Variants in EVL observed in about 807,000 individuals in gnomAD.
EVL encodes Enah/Vasp-like, also known as ena/VASP-like protein.
A neutral mutation model predicts 59.6 loss-of-function variants in EVL; 21 were observed. The observed-to-expected ratio is 0.35, with a 90% CI of 0.25 to 0.51. The LOEUF (loss-of-function observed/expected upper bound fraction) is 0.51, where lower values mean the gene tolerates loss of function less well. Among genes scored for constraint, EVL ranks in the 20% least tolerant of loss-of-function variants. EVL has a pLI of 0.97. For missense variants in EVL, 462 were observed against 546.6 expected, an observed-to-expected ratio of 0.85 and a Z score of 1.54; for synonymous variants, 198 against 203.5, an observed-to-expected ratio of 0.97 and a Z score of 0.23.
chr14:100,129,751 T>A, intron 7 of EVL, 67 bp downstream of exon 7: 2 of 1,456,962 alleles, frequency 1.4e-6, no homozygotes, highest in South Asian at 1.4e-5. Context: ...CCCCCAGCGC[T>A]GCACAGAGAA....
At chr14:100,134,240 G>A (rs549100436) in intron 8 of EVL, among the ~76,000 whole-genome samples, 2 of 152,156 alleles carry the variant, frequency 1.3e-5, no homozygotes, top group Non-Finnish European at 2.9e-5. Context: ...CTGTGGCCTC[G>A]CTCCAGCCAC....
intron 1 of EVL, chr14:99,977,558 G>A (rs1035659580): frequency 2.0e-5 from 3 of 152,014 alleles, no homozygotes; most frequent in Non-Finnish European, 4.4e-5. Flanking sequence ...GCCACTATGT[G>A]CGGCTAATAC....
At chr14:100,016,099 A>T (rs1271247674) in intron 1 of EVL, among the ~76,000 whole-genome samples, 1 of 150,892 alleles carries the variant, frequency 6.6e-6, no homozygotes, top group Admixed American at 6.6e-5. Context: ...AAAAAAAATT[A>T]ATTATTTATT....
chr14:100,105,517 G>A lies in EVL; in HGVS notation c.358+7859G>A, dbSNP rs143605481. 3.9e-4 allele frequency among the ~76,000 whole-genome samples: 59 copies of A among 151,762 alleles called. 1 individual carries two copies. The East Asian group carries it at 8.8e-3, about 23-fold the overall frequency. The stretch of plus-strand genomic sequence containing the variant: ...TCCACAGTCTTTTGCCAGGCAAGGC[G>A]CCCTTCAGGGTGCCGGGTAAGCTGT... On this transcript the variant is annotated intron_variant, in intron 3 of 13. Coordinates refer to ENST00000392920, the MANE Select transcript of EVL (RefSeq NM_016337.3).
At chr14:100,135,046 C>T (rs922379393) in intron 8 of EVL, 1 of 152,238 alleles carries the variant, frequency 6.6e-6, no homozygotes, top group Middle Eastern at 3.2e-3. Context: ...CATCGTGGCC[C>T]CCACATGTGT....
At chr14:100,037,026 A>G (rs2061399450) in intron 1 of EVL, among the ~76,000 whole-genome samples, 1 of 152,204 alleles carries the variant, frequency 6.6e-6, no homozygotes, top group East Asian at 1.9e-4. Context: ...AGCCAAGGAG[A>G]GAGGCCTCCA....
chr14:100,061,882 G>C (rs1471991185), upstream of EVL, among the ~76,000 whole-genome samples: 2 of 151,722 alleles, frequency 1.3e-5, no homozygotes, highest in African/African-American at 4.8e-5. Flanking sequence ...CTTCATCCTT[G>C]TCATCTTCAC....
intron 1 of EVL, among the ~76,000 whole-genome samples, chr14:100,018,232 AGAGGGAGCAGT>A (rs988604089): frequency 1.3e-4 from 20 of 152,330 alleles, no homozygotes; most frequent in South Asian, 6.2e-4. Flanking sequence ...AGCCCCTCGG[AGAGGGAGCAGT>A]GAGGGAGCAG....
intron 1 of EVL, among the ~76,000 whole-genome samples, chr14:100,046,215 G>A (rs1012871088): frequency 2.6e-5 from 4 of 152,114 alleles, no homozygotes; most frequent in African/African-American, 9.7e-5. Context: ...GTGTCATGTC[G>A]GCATTCAGAA....
At chr14:100,006,017 C>CA (rs1566967168) in intron 1 of EVL, among the ~76,000 whole-genome samples, 1 of 149,534 alleles carries the variant, frequency 6.7e-6, no homozygotes, top group Non-Finnish European at 1.5e-5. Flanking sequence ...TTTCCCCCCC[C>CA]CCCCCCACAC....
chr14:100,038,429 C>T (rs182311415), intron 1 of EVL, among the ~76,000 whole-genome samples: 5 of 152,210 alleles, frequency 3.3e-5, no homozygotes, highest in East Asian at 1.9e-4. Context: ...ACTCAGATGG[C>T]GGACAAGGTT....
intron 8 of EVL, among the ~76,000 whole-genome samples, chr14:100,133,592 C>G (rs528765881): frequency 3.3e-5 from 5 of 152,302 alleles, no homozygotes; most frequent in Admixed American, 3.3e-4. Flanking sequence ...CTTTGCCCCA[C>G]CAGCCAACTC....
intron 1 of EVL, among the ~76,000 whole-genome samples, chr14:100,044,979 A>C (rs2061526211): frequency 1.3e-5 from 2 of 152,126 alleles, no homozygotes; most frequent in African/African-American, 4.8e-5. Flanking sequence ...AAAGAAATAA[A>C]TACTGGAGCA....
chr14:99,972,347 C>T lies in EVL; in HGVS notation c.5+290C>T, dbSNP rs919191703. Among the ~76,000 whole-genome samples the T allele has an allele frequency of 6.6e-6, 1 of 152,056 alleles. No homozygotes were observed. The highest frequency in any genetic ancestry group is 2.4e-5 in the African/African-American group (1 of 41,418). On this transcript the variant is annotated intron_variant, in intron 1 of 13. Transcript: ENST00000402714. This position sits in a 1 kb window ranked among gnomAD's most constrained non-coding sequence, Gnocchi z 4.4. ...TGGCTGCTTGTGGGGTCCTCTTAGG[C>T]TCCGGGGGGCCTGCGGCGGCCTGGG...
intron 1 of EVL, among the ~76,000 whole-genome samples, chr14:100,065,772 T>TA (rs1404386441): frequency 2.0e-5 from 3 of 152,156 alleles, no homozygotes; most frequent in East Asian, 1.9e-4. Context: ...GTCAAGGACT[T>TA]ACTTAGAAAT....
chr14:100,007,671 A>T (rs1057110873), intron 1 of EVL, among the ~76,000 whole-genome samples: 3 of 152,206 alleles, frequency 2.0e-5, no homozygotes, highest in Admixed American at 6.5e-5. Flanking sequence ...GGCTTGCCTT[A>T]CCTATTGGAG....
intron 3 of EVL, among the ~76,000 whole-genome samples, chr14:100,104,564 G>A (rs1225734974): frequency 6.6e-6 from 1 of 151,932 alleles, no homozygotes; most frequent in African/African-American, 2.4e-5. Context: ...CAGGGCAAAA[G>A]ATGTTTTTCT....
chr14:100,087,504 A>T (rs1414737207), intron 2 of EVL, among the ~76,000 whole-genome samples: 1 of 152,098 alleles, frequency 6.6e-6, no homozygotes, highest in East Asian at 1.9e-4. Flanking sequence ...AGTCCCAGCT[A>T]CTCAGGAGGC....
intron 1 of EVL, among the ~76,000 whole-genome samples, chr14:99,978,880 G>A (rs984729735): frequency 2.0e-5 from 3 of 152,170 alleles, no homozygotes; most frequent in African/African-American, 7.2e-5. Flanking sequence ...TAACGCTGGA[G>A]ATGCATTCTA....
Sources: allele counts gnomAD v4.1 joint callset (sites outside exome capture counted in the v4.1 genomes callset), GRCh38; gene constraint gnomAD v4.1.1; non-coding constraint Gnocchi (gnomAD v3.1); transcripts MANE v1.5; gene names NCBI Gene and HGNC (gene_info 2026-07-23, HGNC 2026-07-21).